Variants in ADGRL3 observed in about 807,000 individuals in gnomAD.
ADGRL3 encodes the protein calcium-independent alpha-latrotoxin receptor 3.
A neutral mutation model predicts 153.5 loss-of-function variants in ADGRL3; 62 were observed. The observed-to-expected ratio is 0.40, with a 90% CI of 0.33 to 0.50. The LOEUF (loss-of-function observed/expected upper bound fraction) is 0.50. Among genes scored for constraint, ADGRL3 ranks in the 20% least tolerant of loss-of-function variants. The pLI is 0.47. For synonymous variants in ADGRL3, 710 were observed against 672.5 expected (o/e 1.06, Z -0.86); for missense variants, 1,641 against 1,859.4 (o/e 0.88, Z 2.16).
intron 11 of ADGRL3, among the ~76,000 whole-genome samples, chr4:61,896,399 AAAAGGGTT>A (rs1175287098): frequency 6.6e-5 from 10 of 152,164 alleles, no homozygotes; most frequent in African/African-American, 2.2e-4. Flanking sequence ...CATTTATGCC[AAAAGGGTT>A]ATGGGATGAA....
At chr4:61,817,357 C>G (rs915213600) in intron 9 of ADGRL3, among the ~76,000 whole-genome samples, 11 of 152,188 alleles carry the variant, frequency 7.2e-5, no homozygotes, top group Non-Finnish European at 1.3e-4. Context: ...TCCTTTTGTT[C>G]AAGCCCTCCC....
intron 5 of ADGRL3, among the ~76,000 whole-genome samples, chr4:61,624,057 A>C (rs1482069635): frequency 6.6e-6 from 1 of 152,216 alleles, no homozygotes; most frequent in African/African-American, 2.4e-5. Flanking sequence ...GTTTCAGATC[A>C]TGCAAGGTCT....
At chr4:61,450,773 G>A (rs550806583) in intron 2 of ADGRL3, among the ~76,000 whole-genome samples, 5 of 151,928 alleles carry the variant, frequency 3.3e-5, no homozygotes, top group East Asian at 3.9e-4. Context: ...TAAACATTTC[G>A]AACATCTATG....
intron 1 of ADGRL3, among the ~76,000 whole-genome samples, chr4:61,298,255 G>A (rs2150299203): frequency 6.6e-6 from 1 of 152,120 alleles, no homozygotes; most frequent in Admixed American, 6.5e-5. Context: ...AATGCATGAA[G>A]ATACAACTGT....
chr4:61,371,477 C>T (rs2096528099), intron 1 of ADGRL3, among the ~76,000 whole-genome samples: 1 of 151,568 alleles, frequency 6.6e-6, no homozygotes, highest in African/African-American at 2.4e-5. Flanking sequence ...TTTTATTTCT[C>T]CTTCACTTAT....
At chr4:61,814,922 C>G (rs556648753) in intron 9 of ADGRL3, among the ~76,000 whole-genome samples, 1 of 152,168 alleles carries the variant, frequency 6.6e-6, no homozygotes, top group African/African-American at 2.4e-5. Flanking sequence ...CATACATGAT[C>G]CTTTCCCTTA....
chr4:62,001,160 A>G (rs974889822), intron 21 of ADGRL3, among the ~76,000 whole-genome samples: 2 of 152,188 alleles, frequency 1.3e-5, no homozygotes, highest in Admixed American at 1.3e-4. Context: ...GAAATTAAGA[A>G]TATAGGAAAG....
chr4:62,006,032 A>ATATATATATTTTT (rs1203029363), intron 21 of ADGRL3, among the ~76,000 whole-genome samples: 2 of 73,090 alleles, frequency 2.7e-5, no homozygotes, highest in African/African-American at 9.9e-5. Flanking sequence ...ATATATATAT[A>ATATATATATTTTT]TTTTTTTTTT....
chr4:61,720,754 C>T (rs2096228466), intron 6 of ADGRL3, among the ~76,000 whole-genome samples: 1 of 152,146 alleles, frequency 6.6e-6, no homozygotes, highest in South Asian at 2.1e-4. Flanking sequence ...AATCGTGACA[C>T]TATCTAATTG....
chr4:61,525,049 C>T (rs908801786), intron 4 of ADGRL3, among the ~76,000 whole-genome samples: 3 of 151,996 alleles, frequency 2.0e-5, no homozygotes, highest in Non-Finnish European at 4.4e-5. Context: ...AAGGACTTTG[C>T]AATCTGTTGC....
At chr4:61,391,588 C>CAAGTGTGG (rs578180286) in intron 2 of ADGRL3, among the ~76,000 whole-genome samples, 345 of 152,158 alleles carry the variant, frequency 2.3e-3, no homozygotes, top group Non-Finnish European at 3.7e-3. Context: ...GTTAAATACC[C>CAAGTGTGG]AAGTGTGGGA....
At chr4:61,219,072 T>C (rs1395269593) in intron 1 of ADGRL3, among the ~76,000 whole-genome samples, 2 of 152,186 alleles carry the variant, frequency 1.3e-5, no homozygotes, top group Non-Finnish European at 2.9e-5. Flanking sequence ...GCTTCTCAGC[T>C]AAGCAGCAAA....
intron 1 of ADGRL3, among the ~76,000 whole-genome samples, chr4:61,304,450 G>A (rs1204992497): frequency 6.6e-6 from 1 of 152,208 alleles, no homozygotes; most frequent in Non-Finnish European, 1.5e-5. Context: ...AGCAGGCAGT[G>A]AGGAGATGCT....
chr4:61,671,246 G>A (rs540863934), intron 5 of ADGRL3, among the ~76,000 whole-genome samples: 1 of 152,266 alleles, frequency 6.6e-6, no homozygotes, highest in South Asian at 2.1e-4. Context: ...ACCCACAAAT[G>A]ACTTTTTCAT....
intron 2 of ADGRL3, among the ~76,000 whole-genome samples, chr4:61,410,659 A>G (rs944435323): frequency 6.6e-6 from 1 of 152,166 alleles, no homozygotes; most frequent in African/African-American, 2.4e-5. Flanking sequence ...GTGATCTCCA[A>G]GTGATTCCAA....
chr4:61,794,276 T>C (rs950989906), intron 8 of ADGRL3, among the ~76,000 whole-genome samples: 8 of 152,216 alleles, frequency 5.3e-5, no homozygotes, highest in Non-Finnish European at 7.3e-5. Context: ...TATTGTCACC[T>C]GTGCATTAGT....
intron 2 of ADGRL3, among the ~76,000 whole-genome samples, chr4:61,410,631 C>A (rs969446301): frequency 6.6e-6 from 1 of 152,150 alleles, no homozygotes; most frequent in Admixed American, 6.5e-5. Flanking sequence ...ACCCACCACC[C>A]CAACCCGTGG....
intron 8 of ADGRL3, among the ~76,000 whole-genome samples, chr4:61,774,291 A>T (rs1368180077): frequency 1.3e-5 from 2 of 150,550 alleles, no homozygotes; most frequent in Non-Finnish European, 3.0e-5. Context: ...TGGGAGGCGG[A>T]GGTTGCAGTG....
intron 13 of ADGRL3, among the ~76,000 whole-genome samples, chr4:61,924,362 T>C (rs532360542): frequency 1.3e-5 from 2 of 152,278 alleles, no homozygotes; most frequent in South Asian, 4.1e-4. Flanking sequence ...CCACACTTTA[T>C]ACATTCACAC....
Sources: gnomAD v4.1 joint callset for allele counts (sites outside exome capture counted in the v4.1 genomes callset) on GRCh38, gnomAD v4.1.1 for gene constraint, MANE v1.5 for transcripts, NCBI Gene and HGNC (gene_info 2026-07-23, HGNC 2026-07-21) for gene names.